Variants in EYS observed in about 807,000 individuals in gnomAD.
EYS encodes the protein protein eyes shut homolog.
A neutral mutation model predicts 282.1 loss-of-function variants in EYS; 250 were observed. The observed-to-expected ratio is 0.89, with a 90% CI of 0.80 to 0.98. EYS has a LOEUF of 0.98. Among genes scored for constraint, EYS ranks in the 50% least tolerant of loss-of-function variants. EYS has a pLI of 0.00. For missense variants in EYS, 4,016 were observed against 3,709.0 expected (o/e 1.08, Z -2.15); for synonymous variants, 1,355 against 1,282.9 (o/e 1.06, Z -1.20).
chr6:63,729,576 C>T (rs1258809555), intron 41 of EYS, among the ~76,000 whole-genome samples: 4 of 150,070 alleles, frequency 2.7e-5, no homozygotes, highest in South Asian at 2.1e-4. Context: ...CATCATTTGT[C>T]GAAAAGATTA....
intron 30 of EYS, among the ~76,000 whole-genome samples, chr6:64,235,080 A>T (rs993926032): frequency 7.5e-5 from 10 of 133,826 alleles, no homozygotes; most frequent in Non-Finnish European, 1.3e-4. Flanking sequence ...TTATTTTTTT[A>T]TTTTTATTTT....
chr6:64,070,540 A>T (rs1247132959), intron 32 of EYS, among the ~76,000 whole-genome samples: 1 of 152,030 alleles, frequency 6.6e-6, no homozygotes, highest in African/African-American at 2.4e-5. Flanking sequence ...TTTTTCAGAA[A>T]ATAGCTGCCA....
intron 40 of EYS, among the ~76,000 whole-genome samples, chr6:63,774,450 T>C (rs1770010824): frequency 6.6e-6 from 1 of 152,192 alleles, no homozygotes. Flanking sequence ...ATTACAGGCA[T>C]GAGCCACGAT....
At chr6:65,701,231 G>C (rs934288695) in intron 1 of EYS, among the ~76,000 whole-genome samples, 1 of 152,110 alleles carries the variant, frequency 6.6e-6, no homozygotes, top group Non-Finnish European at 1.5e-5. Flanking sequence ...TTGAATAAAT[G>C]GGATTGTGGC....
Position 64,553,067 on chromosome 6 carries a change from T to C in EYS, c.5644+37156A>G, listed in dbSNP as rs557937126. Among the ~76,000 whole-genome samples the C allele has an allele frequency of 3.9e-5, 6 of 152,304 alleles. No homozygotes were observed. The South Asian group carries it at 6.2e-4, about 16-fold the overall frequency. Reference sequence around the variant, plus strand: ...CTTGCATGTATTGATTGATGTCTTATGTCTCCCTAAAATGTATAAAACCAA... The same window carrying C: ...CTTGCATGTATTGATTGATGTCTTACGTCTCCCTAAAATGTATAAAACCAA... On this transcript the variant is annotated intron_variant, in intron 26 of 42. Coordinates refer to ENST00000503581, the MANE Select transcript of EYS (RefSeq NM_001142800.2).
chr6:64,529,268 T>C (rs1368724754), intron 26 of EYS, among the ~76,000 whole-genome samples: 1 of 152,064 alleles, frequency 6.6e-6, no homozygotes, highest in Non-Finnish European at 1.5e-5. Context: ...CAACTCTCTT[T>C]TTCTTCTTTG....
intron 12 of EYS, among the ~76,000 whole-genome samples, chr6:65,265,533 C>T (rs1447907264): frequency 6.6e-6 from 1 of 151,886 alleles, no homozygotes; most frequent in Non-Finnish European, 1.5e-5. Context: ...ATATGGTATG[C>T]TTAATGTAGT....
intron 26 of EYS, among the ~76,000 whole-genome samples, chr6:64,545,626 C>A (rs187065608): frequency 2.6e-5 from 4 of 152,130 alleles, no homozygotes; most frequent in African/African-American, 4.8e-5. Flanking sequence ...AAAACCCCAT[C>A]GTCTCAGCCC....
chr6:64,551,037 C>G (rs2149805514), intron 26 of EYS, among the ~76,000 whole-genome samples: 1 of 152,036 alleles, frequency 6.6e-6, no homozygotes, highest in South Asian at 2.1e-4. Flanking sequence ...ATAGTAGCTT[C>G]ACACTTTTTC....
At chr6:65,284,483 A>G (rs1397055666) in intron 12 of EYS, among the ~76,000 whole-genome samples, 1 of 152,110 alleles carries the variant, frequency 6.6e-6, no homozygotes, top group East Asian at 1.9e-4. Context: ...TTAAAATTGA[A>G]AAGTTAATAT....
intron 2 of EYS, among the ~76,000 whole-genome samples, chr6:65,627,039 CTCTT>C (rs1463200317): frequency 8.6e-5 from 13 of 150,894 alleles, no homozygotes; most frequent in African/African-American, 2.4e-4. Flanking sequence ...CTTTCTTTCT[CTCTT>C]TCTTTCATCT....
In EYS at chr6:63,963,513, C is replaced by T. The variant is rs115972203; in HGVS notation, c.7055+20870G>A. ...GGTATGTGGCTTCAAGAAAGAATAACACGAAAATGGCATTGCTTTCTGCTC... is the reference window on the plus strand; with the variant it reads ...GGTATGTGGCTTCAAGAAAGAATAATACGAAAATGGCATTGCTTTCTGCTC... On this transcript the variant is annotated intron_variant, in intron 35 of 42. Transcript: ENST00000503581. Among the ~76,000 whole-genome samples the T allele has an allele frequency of 7.5e-3, 1,141 of 152,226 alleles. 16 individuals are homozygous for T. Among genetic ancestry groups the T allele is most frequent in the African/African-American group, 0.024 (1,002 of 41,544 alleles).
intron 22 of EYS, among the ~76,000 whole-genome samples, chr6:64,710,132 T>C (rs1419371412): frequency 6.6e-6 from 1 of 152,250 alleles, no homozygotes; most frequent in Middle Eastern, 3.2e-3. Flanking sequence ...TGATTATTAA[T>C]GATTAAATTC....
chr6:64,310,308 A>G (rs934212255), intron 29 of EYS, among the ~76,000 whole-genome samples: 1 of 152,196 alleles, frequency 6.6e-6, no homozygotes, highest in African/African-American at 2.4e-5. Context: ...CACTATTCAC[A>G]ATAGCAAAGA....
intron 36 of EYS, among the ~76,000 whole-genome samples, chr6:63,863,245 T>C (rs867650644): frequency 1.8e-4 from 28 of 152,008 alleles, no homozygotes; most frequent in African/African-American, 6.5e-4. Context: ...TTTTTATTAT[T>C]TCTGAAAATA....
intron 12 of EYS, among the ~76,000 whole-genome samples, chr6:65,285,651 A>C (rs977153501): frequency 1.3e-5 from 2 of 151,986 alleles, no homozygotes; most frequent in African/African-American, 4.8e-5. Context: ...TTTTCAGATA[A>C]ATTTTAAAAA....
chr6:65,462,177 C>A (rs1764846923), intron 5 of EYS, among the ~76,000 whole-genome samples: 1 of 151,976 alleles, frequency 6.6e-6, no homozygotes, highest in Non-Finnish European at 1.5e-5. Context: ...TTGGATGAAT[C>A]TCAAAGATAT....
At chr6:64,677,146 A>C (rs1003406785) in intron 22 of EYS, among the ~76,000 whole-genome samples, 2 of 152,140 alleles carry the variant, frequency 1.3e-5, no homozygotes, top group African/African-American at 4.8e-5. Flanking sequence ...TATTAATCAT[A>C]AATATTGAGT....
At chr6:65,564,292 C>T (rs879196992) in intron 2 of EYS, among the ~76,000 whole-genome samples, 2 of 151,964 alleles carry the variant, frequency 1.3e-5, no homozygotes, top group African/African-American at 4.8e-5. Context: ...TCATATGGAA[C>T]CAAAAAAGAG....
Sources: gnomAD v4.1 joint callset for allele counts (sites outside exome capture counted in the v4.1 genomes callset) on GRCh38, gnomAD v4.1.1 for gene constraint, MANE v1.5 for transcripts, NCBI Gene and HGNC (gene_info 2026-07-23, HGNC 2026-07-21) for gene names.